The following GLIS1 variants were observed in gnomAD, a reference collection of about 807,000 sequenced individuals.
GLIS1 encodes zinc finger protein GLIS1.
In GLIS1, 24 loss-of-function variants were observed where a neutral mutation model predicts 63.8. The ratio of observed to expected loss-of-function variants is 0.38; its 90% confidence interval spans 0.27 to 0.53. The LOEUF (loss-of-function observed/expected upper bound fraction) is 0.53, where lower values mean the gene tolerates loss of function less well. Ranked by LOEUF, GLIS1 falls within the 20% of genes least tolerant of loss-of-function variation. The pLI, the probability that GLIS1 is intolerant of heterozygous loss-of-function variation, is 0.85. For missense variants in GLIS1, 1,036 were observed against 1,074.1 expected, an observed-to-expected ratio of 0.96 and a Z score of 0.50; for synonymous variants, 450 against 482.5, an observed-to-expected ratio of 0.93 and a Z score of 0.88.
At chr1:53,736,507 CAT>C (rs544677182) in intron 2 of GLIS1, among the ~76,000 whole-genome samples, 1 of 152,238 alleles carries the variant, frequency 6.6e-6, no homozygotes, top group East Asian at 1.9e-4. Flanking sequence ...CGGCAGCAAA[CAT>C]TACTCATGTC....
intron 5 of GLIS1, among the ~76,000 whole-genome samples, chr1:53,527,378 A>G (rs926475690): frequency 1.3e-5 from 2 of 152,182 alleles, no homozygotes; most frequent in Non-Finnish European, 1.5e-5. Context: ...TCAGTGCCCA[A>G]TCAGTAAGAG....
chr1:53,539,040 G>A lies in GLIS1; in HGVS notation c.1321-9088C>T, dbSNP rs1002373652. Among the ~76,000 whole-genome samples, 5 of 152,012 alleles carry A rather than the reference G, an allele frequency of 3.3e-5. No individual in the cohort carries two copies. The highest frequency in any genetic ancestry group is 9.7e-5 in the African/African-American group (4 of 41,344). ...CAGTGCAGAGCTGTGGCTAGACATC[G>A]TCTGGAATGAGGAAAGAGGCTCTGC... On this transcript the variant is annotated intron_variant, in intron 4 of 10. Coordinates refer to ENST00000628545, the MANE Select transcript of GLIS1 (RefSeq NM_001367484.1). The surrounding 1 kb of genome is among the most constrained non-coding windows in gnomAD (Gnocchi z 5.0).
chr1:53,544,067 C>T (rs1323661626), intron 4 of GLIS1, among the ~76,000 whole-genome samples: 1 of 152,138 alleles, frequency 6.6e-6, no homozygotes, highest in East Asian at 1.9e-4. Context: ...CAGAGCTGCG[C>T]CACCCGACTC....
chr1:53,508,581 G>A (rs1433856222), intron 10 of GLIS1, among the ~76,000 whole-genome samples: 1 of 152,098 alleles, frequency 6.6e-6, no homozygotes, highest in Non-Finnish European at 1.5e-5. Context: ...TTCCACCTGG[G>A]CTGCGGGCAC....
At chr1:53,727,405 G>T (rs1646816339) in intron 2 of GLIS1, among the ~76,000 whole-genome samples, 1 of 152,076 alleles carries the variant, frequency 6.6e-6, no homozygotes, top group African/African-American at 2.4e-5. Flanking sequence ...ACCATCCTCT[G>T]GCTCCCAGCT....
intron 4 of GLIS1, among the ~76,000 whole-genome samples, chr1:53,565,037 T>TTGTCTTGTCTCCA (rs1644925282): frequency 1.3e-5 from 2 of 152,052 alleles, no homozygotes; most frequent in Non-Finnish European, 2.9e-5. Flanking sequence ...ACCAATATCA[T>TTGTCTTGTCTCCA]ATAAATAATG....
At chr1:53,582,168 A>G (rs1268927187) in intron 4 of GLIS1, among the ~76,000 whole-genome samples, 2 of 152,196 alleles carry the variant, frequency 1.3e-5, no homozygotes, top group Non-Finnish European at 2.9e-5. Flanking sequence ...CAGAGGAACT[A>G]AGGCCCCACA....
chr1:53,590,924 G>A (rs1354942515), intron 4 of GLIS1, among the ~76,000 whole-genome samples: 2 of 152,174 alleles, frequency 1.3e-5, no homozygotes, highest in Non-Finnish European at 2.9e-5. Flanking sequence ...GCCTGGTGCC[G>A]GAGCAGAGGC....
intron 4 of GLIS1, among the ~76,000 whole-genome samples, chr1:53,562,968 G>T (rs1000079481): frequency 1.3e-5 from 2 of 152,366 alleles, no homozygotes; most frequent in African/African-American, 4.8e-5. Flanking sequence ...GGAAACGGAG[G>T]TTGTGCTTCT....
chr1:53,710,918 G>A (rs1030056995), intron 2 of GLIS1, among the ~76,000 whole-genome samples: 7 of 151,848 alleles, frequency 4.6e-5, no homozygotes, highest in African/African-American at 4.8e-5. Context: ...AGGAGTCAGC[G>A]ATGGTGGCCG....
intron 2 of GLIS1, among the ~76,000 whole-genome samples, chr1:53,658,510 T>C (rs2100352364): frequency 6.6e-6 from 1 of 152,342 alleles, no homozygotes; most frequent in African/African-American, 2.4e-5. Context: ...CAAAGAATTC[T>C]GTCAGGCAAC....
chr1:53,594,182 T>G lies in GLIS1; in HGVS notation c.1246A>C (p.Lys416Gln). 1 of 1,613,996 alleles carries G rather than the reference T, an allele frequency of 6.2e-7. No homozygotes were observed. The highest frequency in any genetic ancestry group is 8.5e-7 in the Non-Finnish European group (1 of 1,179,956). Residue 416 changes from lysine to glutamine, a missense_variant, in exon 4 of 11, where the codon AAG becomes CAG. Lys to Gln is a moderately conservative substitution (Grantham distance 53). This residue lies in a region of GLIS1 where 592 missense variants were observed against 593.9 expected (regional missense o/e 1.00). Transcript: ENST00000628545. ...CFWAGCVRRY[K>Q]PFNARYKLLI... ...AGCTTGTAGCGGGCGTTGAAGGGCT[T>G]GTAGCGGCGCACGCAGCCAGCCCAG... is the stretch of plus-strand genomic sequence containing the variant.
At chr1:53,717,029 C>T (rs543034608) in intron 2 of GLIS1, among the ~76,000 whole-genome samples, 1 of 152,288 alleles carries the variant, frequency 6.6e-6, no homozygotes, top group South Asian at 2.1e-4. Flanking sequence ...GACCAAGTAT[C>T]AGAAATCATC....
At chr1:53,701,273 C>T (rs1391608072) in intron 2 of GLIS1, among the ~76,000 whole-genome samples, 1 of 152,216 alleles carries the variant, frequency 6.6e-6, no homozygotes, top group Admixed American at 6.5e-5. Flanking sequence ...GTTCTACACC[C>T]TTGCCAACTC....
chr1:53,693,828 G>A lies in GLIS1; in HGVS notation c.259+43978C>T, dbSNP rs150604816. On this transcript the variant is annotated intron_variant, in intron 2 of 10. Transcript: ENST00000628545. ...TGGAAAGCGTGCCTTTTCATCGATC[G>A]CTGCCTTACCTAACCCTCCAGATGG... Among the ~76,000 whole-genome samples the A allele has an allele frequency of 7.6e-3, 1,161 of 152,308 alleles. 13 individuals carry two copies. Among genetic ancestry groups the A allele is most frequent in the Non-Finnish European group, 0.011 (757 of 68,030 alleles).
chr1:53,518,843 T>C (rs1644378119), intron 7 of GLIS1, among the ~76,000 whole-genome samples: 1 of 152,348 alleles, frequency 6.6e-6, no homozygotes, highest in South Asian at 2.1e-4. Flanking sequence ...CTGTCCCTTC[T>C]CGCTGGGACA....
intron 7 of GLIS1, among the ~76,000 whole-genome samples, chr1:53,516,612 A>C (rs1431814689): frequency 6.6e-6 from 1 of 152,052 alleles, no homozygotes; most frequent in East Asian, 1.9e-4. Flanking sequence ...CATGAATTCG[A>C]GACCAGCCTG....
chr1:53,641,610 TG>T (rs1481637222), intron 2 of GLIS1, among the ~76,000 whole-genome samples: 1 of 152,146 alleles, frequency 6.6e-6, no homozygotes, highest in Non-Finnish European at 1.5e-5. Flanking sequence ...GGTGTGGGGT[TG>T]TCACACAGAG....
chr1:53,680,616 T>C (rs960805815), intron 2 of GLIS1, among the ~76,000 whole-genome samples: 1 of 152,236 alleles, frequency 6.6e-6, no homozygotes, highest in Admixed American at 6.5e-5. Context: ...GAAGATGTGA[T>C]AGTCATCCTG....
Sources: gnomAD v4.1 joint callset for allele counts (sites outside exome capture counted in the v4.1 genomes callset) on GRCh38, gnomAD v4.1.1 for gene constraint, gnomAD v4.1.1 regional missense constraint, Gnocchi (gnomAD v3.1) non-coding constraint, MANE v1.5 for transcripts, NCBI Gene and HGNC (gene_info 2026-07-23, HGNC 2026-07-21) for gene names.